The following STPG2 variants were observed in gnomAD, a reference collection of about 807,000 sequenced individuals.
STPG2 encodes the protein sperm-tail PG-rich repeat-containing protein 2.
STPG2 carries 56 observed loss-of-function variants against 54.2 expected under a neutral mutation model. The ratio of observed to expected loss-of-function variants is 1.03; its 90% confidence interval spans 0.83 to 1.29. The LOEUF (loss-of-function observed/expected upper bound fraction) is 1.29. Among genes scored for constraint, STPG2 ranks in the 50% most tolerant of loss-of-function variants. The probability of loss-of-function intolerance (pLI) is 0.00; values close to 1 mark genes in which losing one functional copy is unlikely to be tolerated. For synonymous variants in STPG2, 200 were observed against 181.8 expected, an observed-to-expected ratio of 1.10 and a Z score of -0.81; for missense variants, 596 against 544.9, an observed-to-expected ratio of 1.09 and a Z score of -0.93.
chr4:97,934,678 T>C (rs1031314718), intron 8 of STPG2, among the ~76,000 whole-genome samples: 3 of 152,324 alleles, frequency 2.0e-5, no homozygotes, highest in Non-Finnish European at 4.4e-5. Flanking sequence ...TTTGCGTATG[T>C]TGAACCAGCC....
Position 97,475,445 on chromosome 4 carries a change from A to T in STPG2, c.462+237254T>A, listed in dbSNP as rs1325613279. 2.0e-5 allele frequency among the ~76,000 whole-genome samples: 3 copies of T among 149,782 alleles called. No homozygotes were observed. The South Asian group carries it at 6.3e-4, about 31-fold the overall frequency. On this transcript the variant is annotated intron_variant, in intron 4 of 4. Transcript: ENST00000522676. ...ATGTTTATCAAAAAGTTTTCACTTA[A>T]TCTAACATATATGTATATATGTTAT... is the stretch of plus-strand genomic sequence containing the variant.
intron 4 of STPG2, among the ~76,000 whole-genome samples, chr4:97,446,792 C>T (rs1729233659): frequency 6.6e-6 from 1 of 152,186 alleles, no homozygotes; most frequent in South Asian, 2.1e-4. Context: ...AAGGCCTCCC[C>T]AGCCATGCTG....
intron 5 of STPG2, among the ~76,000 whole-genome samples, chr4:97,998,876 T>C (rs867249830): frequency 2.0e-5 from 3 of 152,156 alleles, no homozygotes; most frequent in Non-Finnish European, 4.4e-5. Flanking sequence ...ATGTCAGTGG[T>C]TCCTGATCCA....
At chr4:98,126,016 A>C (rs1739819988) in intron 3 of STPG2, among the ~76,000 whole-genome samples, 1 of 152,192 alleles carries the variant, frequency 6.6e-6, no homozygotes, top group Non-Finnish European at 1.5e-5. Flanking sequence ...TGGCACTGGC[A>C]GAAGAAAACA....
intron 1 of STPG2, among the ~76,000 whole-genome samples, chr4:98,140,078 T>C (rs1740238082): frequency 6.6e-6 from 1 of 151,736 alleles, no homozygotes; most frequent in Non-Finnish European, 1.5e-5. Context: ...TGAGAAAGAG[T>C]AGTCAGTGAA....
At chr4:97,767,681 T>A (rs1726094823) in intron 9 of STPG2, among the ~76,000 whole-genome samples, 1 of 152,192 alleles carries the variant, frequency 6.6e-6, no homozygotes, top group African/African-American at 2.4e-5. Flanking sequence ...ACTGCATTAC[T>A]TAATGAGTAT....
intron 9 of STPG2, among the ~76,000 whole-genome samples, chr4:97,757,847 C>A (rs1466360950): frequency 6.6e-6 from 1 of 152,104 alleles, no homozygotes; most frequent in African/African-American, 2.4e-5. Flanking sequence ...ATCATTGGTC[C>A]TATACTAGCC....
At chr4:97,513,901 T>A (rs971059014) in intron 4 of STPG2, among the ~76,000 whole-genome samples, 2 of 151,256 alleles carry the variant, frequency 1.3e-5, no homozygotes, top group African/African-American at 4.9e-5. Context: ...CCAAAATGAG[T>A]CCCCAAAAAA....
At chr4:97,549,222 T>A (rs1731911736) in intron 4 of STPG2, among the ~76,000 whole-genome samples, 1 of 152,212 alleles carries the variant, frequency 6.6e-6, no homozygotes, top group Non-Finnish European at 1.5e-5. Flanking sequence ...AGGTATACAT[T>A]ACACCATTGT....
chr4:97,993,433 G>A (rs1238429019), intron 5 of STPG2, among the ~76,000 whole-genome samples: 2 of 152,120 alleles, frequency 1.3e-5, no homozygotes, highest in Non-Finnish European at 2.9e-5. Flanking sequence ...AAACCCACTT[G>A]ATCATAGTGG....
chr4:97,695,585 T>C (rs1723543084), intron 10 of STPG2, among the ~76,000 whole-genome samples: 1 of 152,084 alleles, frequency 6.6e-6, no homozygotes, highest in South Asian at 2.1e-4. Context: ...TATGACAGTA[T>C]ACCTAGAAAA....
At chr4:97,529,676 C>A (rs1352898987) in intron 4 of STPG2, among the ~76,000 whole-genome samples, 1 of 152,066 alleles carries the variant, frequency 6.6e-6, no homozygotes, top group African/African-American at 2.4e-5. Context: ...ATTGTTCTAT[C>A]CAGGGATTCA....
intron 5 of STPG2, among the ~76,000 whole-genome samples, chr4:98,099,117 C>T (rs1738947556): frequency 6.6e-6 from 1 of 151,952 alleles, no homozygotes; most frequent in African/African-American, 2.4e-5. Context: ...GCTAGGCATA[C>T]AGCCAAAATA....
At position 97,533,127 on chromosome 4, in the gene STPG2, C is replaced by T. The variant is rs557580044; in HGVS notation, c.462+179572G>A. 5.5e-4 allele frequency among the ~76,000 whole-genome samples: 83 copies of T among 152,182 alleles called. 1 individual carries two copies. Among genetic ancestry groups the T allele is most frequent in the South Asian group, 4.2e-3 (20 of 4,810 alleles). On this transcript the variant is annotated intron_variant, in intron 4 of 4. Coordinates refer to the STPG2 transcript ENST00000522676. ...CGATCTTCTGACCTCATGATCCCCC[C>T]GCCTCGGCCTCCCAAAGTGCTGGGA...
chr4:97,751,838 A>G lies in STPG2; in HGVS notation c.1205-39024T>C, dbSNP rs190314650. Among the ~76,000 whole-genome samples the G allele has an allele frequency of 4.2e-3, 640 of 151,812 alleles. 3 individuals carry two copies. The highest frequency in any genetic ancestry group is 0.024 in the South Asian group (117 of 4,820). ...TGAGAGGACTTTTAATTCTCACCTA[A>G]TTACTAATTAGGACTTCTAATTACT... On this transcript the variant is annotated intron_variant, in intron 9 of 10. Transcript: ENST00000295268.
rs1171952967 is a variant in STPG2, at chr4:97,559,031, T to C, written c.*27A>G. On this transcript the variant is annotated 3_prime_UTR_variant, in exon 11 of 11. Coordinates refer to ENST00000295268, the MANE Select transcript of STPG2 (RefSeq NM_174952.3). Reference sequence around the variant, plus strand: ...AATAAACTGACTTCCATGAAGTTGTTTTTTAAGTTTTTGCCATAAATTTAT... The same window carrying C: ...AATAAACTGACTTCCATGAAGTTGTCTTTTAAGTTTTTGCCATAAATTTAT... 1 of 1,561,298 alleles carries C rather than the reference T, an allele frequency of 6.4e-7. No individual in the cohort carries two copies. Among genetic ancestry groups the C allele is most frequent in the Admixed American group, 1.9e-5 (1 of 51,938 alleles).
chr4:97,962,574 C>G (rs991087037), intron 7 of STPG2, among the ~76,000 whole-genome samples: 1 of 152,106 alleles, frequency 6.6e-6, no homozygotes, highest in South Asian at 2.1e-4. Flanking sequence ...ATTCTATAAA[C>G]TGAGTCTTAG....
chr4:97,799,592 C>T (rs925003403), intron 9 of STPG2, among the ~76,000 whole-genome samples: 15 of 152,162 alleles, frequency 9.9e-5, no homozygotes, highest in Non-Finnish European at 1.9e-4. Flanking sequence ...GTAACCCGAC[C>T]TTTCTCTCTG....
At chr4:97,703,409 TTA>T (rs1448419546) in intron 10 of STPG2, among the ~76,000 whole-genome samples, 6 of 143,802 alleles carry the variant, frequency 4.2e-5, no homozygotes, top group Non-Finnish European at 6.0e-5. Flanking sequence ...ATATATCCTA[TTA>T]TATATATATA....
Sources: allele counts gnomAD v4.1 joint callset (sites outside exome capture counted in the v4.1 genomes callset), GRCh38; gene constraint gnomAD v4.1.1; transcripts MANE v1.5; gene names NCBI Gene and HGNC (gene_info 2026-07-23, HGNC 2026-07-21).